The following CYP2S1 variants were observed in gnomAD, a reference collection of about 807,000 sequenced individuals.
The protein encoded by CYP2S1 is cytochrome P450 family 2 subfamily S member 1.
CYP2S1 carries 32 observed loss-of-function variants against 43.5 expected under a neutral mutation model. The ratio of observed to expected loss-of-function variants is 0.74; its 90% confidence interval spans 0.56 to 0.99. The LOEUF (loss-of-function observed/expected upper bound fraction) is 0.99, where lower values mean the gene tolerates loss of function less well. CYP2S1 is among the 50% of genes least tolerant of loss of function. CYP2S1 has a pLI of 0.00. For synonymous variants in CYP2S1, 283 were observed against 302.9 expected (o/e 0.93, Z 0.68); for missense variants, 575 against 673.9 (o/e 0.85, Z 1.62).
chr19:41,194,459 C>T, intron 1 of CYP2S1, 85 bp from the exon 2 acceptor site: 1 of 1,460,956 alleles, frequency 6.8e-7, no homozygotes, highest in Non-Finnish European at 9.0e-7. Flanking sequence ...GACCCGGTGG[C>T]TCCTCAAGTG....
rs762777641 is a variant in CYP2S1, at chr19:41,203,577, C to T, written c.1104C>T (p.Pro368=). The change falls in exon 7 of 9, where the codon CCC becomes CCT. Residue 368 remains proline, a synonymous_variant. Coordinates refer to ENST00000310054, the MANE Select transcript of CYP2S1 (RefSeq NM_030622.8). ...HEAQRLLALV[P]MGIPRTLMRT... ...CGCAGCGGCTGCTGGCGCTGGTGCCCATGGGAATACCCCGCACCCTCATGC... is the reference window on the plus strand; with the variant it reads ...CGCAGCGGCTGCTGGCGCTGGTGCCTATGGGAATACCCCGCACCCTCATGC... The T allele has an allele frequency of 9.6e-6, 15 of 1,566,382 alleles. No individual in the cohort carries two copies. Among genetic ancestry groups the T allele is most frequent in the Admixed American group, 7.6e-5 (4 of 52,786 alleles).
At position 41,203,485 on chromosome 19, in the gene CYP2S1, G is replaced by A. The variant is rs748689494; in HGVS notation, c.1012G>A (p.Ala338Thr). 1.1e-5 allele frequency: 17 copies of A among 1,608,004 alleles called. No individual in the cohort carries two copies. In the African/African-American group the frequency reaches 1.6e-4, roughly 15 times the overall value. The change falls in exon 7 of 9, where the codon GCT becomes ACT. Residue 338 changes from alanine (A) to threonine (T), a missense_variant. By Grantham distance (58) the Ala-to-Thr change is moderately conservative. Around this residue, in one of 2 missense-constraint regions of CYP2S1, gnomAD observed 222 missense variants for 306.3 expected, o/e 0.72. Coordinates refer to ENST00000310054, the MANE Select transcript of CYP2S1 (RefSeq NM_030622.8). ...VREELNRELG[A>T]GQAPSLGDRT... ...TGAGGAGCTGAATCGGGAGCTGGGG[G>A]CTGGCCAGGCACCAAGCCTAGGGGA...
chr19:41,198,877 A>G lies in CYP2S1; in HGVS notation c.823A>G (p.Lys275Glu), dbSNP rs932177992. 1 of 1,612,412 alleles carries G rather than the reference A, an allele frequency of 6.2e-7. No homozygotes were observed. Among genetic ancestry groups the G allele is most frequent in the Middle Eastern group, 1.7e-4 (1 of 6,054 alleles). The change falls in exon 5 of 9, where the codon AAG (lysine) becomes GAG (glutamate). Residue 275 changes from lysine to glutamate, a missense_variant. Physicochemically the swap from Lys to Glu is moderately conservative, Grantham distance 56. Transcript: ENST00000310054. The surrounding 1 kb of genome is among the most constrained non-coding windows in gnomAD (Gnocchi z 4.9). ...TGACCTTGTCGATGCCTTCCTGCTG[A>G]AGATGGCACAGGTGTGGGAAGGGTG... ...ARDLVDAFLL[K>E]MAQEEQNPGT... is the part of the protein sequence containing the mutation.
intron 1 of CYP2S1, 87 bp from the exon 2 acceptor site, chr19:41,194,457 G>A: frequency 6.9e-7 from 1 of 1,454,074 alleles, no homozygotes; most frequent in Non-Finnish European, 9.1e-7. Context: ...TAGACCCGGT[G>A]GCTCCTCAAG....
At chr19:41,205,352 TTC>T (rs1477576761) in intron 7 of CYP2S1, among the ~76,000 whole-genome samples, 3 of 98,998 alleles carry the variant, frequency 3.0e-5, no homozygotes, top group Non-Finnish European at 5.6e-5. Context: ...TTTTCTTTCT[TTC>T]TTTCTTTCTT....
Position 41,201,262 on chromosome 19 carries a change from A to G in CYP2S1, c.866A>G (p.Asn289Ser), listed in dbSNP as rs2033485252. The G allele has an allele frequency of 1.2e-6, 2 of 1,614,146 alleles. No homozygotes were observed. Among genetic ancestry groups the G allele is most frequent in the Non-Finnish European group, 1.7e-6 (2 of 1,180,020 alleles). Residue 289 changes from asparagine (N) to serine (S), a missense_variant, in exon 6 of 9, where the codon AAC (asparagine) becomes AGC (serine). Physicochemically the swap from Asn to Ser is conservative, Grantham distance 46. Transcript: ENST00000310054. ...EEQNPGTEFT[N>S]KNMLMTVIYL... is the part of the protein sequence containing the mutation. ...CAAAACCCAGGCACAGAATTCACCAACAAGAACATGCTGATGACAGTCATT... is the reference window on the plus strand; with the variant it reads ...CAAAACCCAGGCACAGAATTCACCAGCAAGAACATGCTGATGACAGTCATT...
In CYP2S1 at chr19:41,198,211, C is replaced by T. The variant is rs1044047760; in HGVS notation, c.494-251C>T. 6.6e-6 allele frequency among the ~76,000 whole-genome samples: 1 copy of T among 152,046 alleles called. No homozygotes were observed. The highest frequency in any genetic ancestry group is 1.5e-5 in the Non-Finnish European group (1 of 67,994). On this transcript the variant is annotated intron_variant, in intron 3 of 8. Coordinates refer to ENST00000310054, the MANE Select transcript of CYP2S1 (RefSeq NM_030622.8). The surrounding 1 kb of genome is among the most constrained non-coding windows in gnomAD (Gnocchi z 4.9). The stretch of plus-strand genomic sequence containing the variant: ...CTCTTTTCTTTCTCTCTCCTTTCCT[C>T]TATTTTTTGGGCCCTCAGTCTATCT...
At position 41,198,507 on chromosome 19, in the gene CYP2S1, A is replaced by G. The variant is rs766415705; in HGVS notation, c.539A>G (p.Asn180Ser). The change falls in exon 4 of 9, where the codon AAC becomes AGC. Residue 180 changes from asparagine to serine, a missense_variant. By Grantham distance (46) the Asn-to-Ser change is conservative. Transcript: ENST00000310054. The surrounding 1 kb of genome is among the most constrained non-coding windows in gnomAD (Gnocchi z 4.9). Reference sequence around the variant, plus strand: ...CTGCTGCTGGCCCAGGCCACCTCCAACGTAGTCTGCTCCCTCCTCTTTGGC... The same window carrying G: ...CTGCTGCTGGCCCAGGCCACCTCCAGCGTAGTCTGCTCCCTCCTCTTTGGC... ...PSLLLAQATS[N>S]VVCSLLFGLR... 3 of 1,613,576 alleles carry G rather than the reference A, an allele frequency of 1.9e-6. No individual in the cohort carries two copies. Among genetic ancestry groups the G allele is most frequent in the African/African-American group, 2.7e-5 (2 of 74,768 alleles).
In CYP2S1 at chr19:41,198,532, C is replaced by T; in HGVS notation, c.564C>T (p.Gly188=). The part of the protein sequence containing the change: ...TSNVVCSLLF[G]LRFSYEDKEF... ...ACGTAGTCTGCTCCCTCCTCTTTGGCCTCCGCTTCTCCTATGAGGATAAGG... is the reference window on the plus strand; with the variant it reads ...ACGTAGTCTGCTCCCTCCTCTTTGGTCTCCGCTTCTCCTATGAGGATAAGG... Residue 188 remains glycine, a synonymous_variant, in exon 4 of 9, where the codon GGC becomes GGT. Coordinates refer to ENST00000310054, the MANE Select transcript of CYP2S1 (RefSeq NM_030622.8). This position sits in a 1 kb window ranked among gnomAD's most constrained non-coding sequence, Gnocchi z 4.9. 1 of 1,614,172 alleles carries T rather than the reference C, an allele frequency of 6.2e-7. No individual in the cohort carries two copies. The highest frequency in any genetic ancestry group is 8.5e-7 in the Non-Finnish European group (1 of 1,180,024).
intron 5 of CYP2S1, among the ~76,000 whole-genome samples, chr19:41,200,128 G>A (rs1373126840): frequency 6.6e-6 from 1 of 152,024 alleles, no homozygotes; most frequent in Non-Finnish European, 1.5e-5. Context: ...TGTTTGTGGA[G>A]AAAGAAAAAT....
At chr19:41,201,163 T>C in intron 5 of CYP2S1, 68 bp from the exon 6 acceptor site, 1 of 1,558,220 alleles carries the variant, frequency 6.4e-7, no homozygotes, top group Non-Finnish European at 8.7e-7. Context: ...GACCCCAGGC[T>C]TGGCTGTTCT....
Position 41,206,403 on chromosome 19 carries a change from C to T in CYP2S1, c.1430C>T (p.Thr477Ile). The T allele has an allele frequency of 6.2e-7, 1 of 1,614,156 alleles. No individual in the cohort carries two copies. Among genetic ancestry groups the T allele is most frequent in the Non-Finnish European group, 8.5e-7 (1 of 1,180,032 alleles). ...CPPDTLSLKP[T>I]VSGLFNIPPA... ...CCGGACACCCTGAGCCTCAAGCCCA[C>T]CGTCAGTGGCCTTTTCAACATTCCC... The change falls in exon 9 of 9, where the codon ACC becomes ATC. Residue 477 changes from threonine (T) to isoleucine (I), a missense_variant. Around this residue, in one of 2 missense-constraint regions of CYP2S1, gnomAD observed 222 missense variants for 306.3 expected, o/e 0.72. Coordinates refer to ENST00000310054, the MANE Select transcript of CYP2S1 (RefSeq NM_030622.8).
intron 1 of CYP2S1, 45 bp from the exon 2 acceptor site, chr19:41,194,499 C>A: frequency 6.6e-7 from 1 of 1,507,710 alleles, no homozygotes; most frequent in Non-Finnish European, 8.8e-7. Context: ...CACCTTGGAT[C>A]GAAGAGGTCA....
At chr19:41,200,518 G>T (rs1453432242) in intron 5 of CYP2S1, among the ~76,000 whole-genome samples, 2 of 152,024 alleles carry the variant, frequency 1.3e-5, no homozygotes, top group Admixed American at 1.3e-4. Flanking sequence ...GACTACAGGT[G>T]CCCGTCACCA....
Position 41,201,270 on chromosome 19 carries a change from A to G in CYP2S1, c.874A>G (p.Met292Val), listed in dbSNP as rs1229913643. 16 of 1,614,066 alleles carry G rather than the reference A, an allele frequency of 9.9e-6. No individual in the cohort carries two copies. Among genetic ancestry groups the G allele is most frequent in the African/African-American group, 1.3e-5 (1 of 74,936 alleles). ...AGGCACAGAATTCACCAACAAGAAC[A>G]TGCTGATGACAGTCATTTATTTGCT... ...NPGTEFTNKNMLMTVIYLLFA... is the reference protein window; with the variant it reads ...NPGTEFTNKNVLMTVIYLLFA... Residue 292 changes from methionine (M) to valine (V), a missense_variant, in exon 6 of 9, where the codon ATG becomes GTG. Physicochemically the swap from Met to Val is conservative, Grantham distance 21. This residue lies in a region of CYP2S1 where 222 missense variants were observed against 306.3 expected (regional missense o/e 0.72). Coordinates refer to ENST00000310054, the MANE Select transcript of CYP2S1 (RefSeq NM_030622.8).
Position 41,201,377 on chromosome 19 carries a change from G to A in CYP2S1, c.976+5G>A, listed in dbSNP as rs1260016964. Reference sequence around the variant, plus strand: ...TGAAATACCCTCATGTCCAAAGTAAGAGCCTTTTCCACTTGCCAGGCCTTG... The same window carrying A: ...TGAAATACCCTCATGTCCAAAGTAAAAGCCTTTTCCACTTGCCAGGCCTTG... On this transcript the variant is annotated splice_donor_5th_base_variant and intron_variant, in intron 6 of 8. Transcript: ENST00000310054. The A allele has an allele frequency of 5.6e-6, 9 of 1,613,158 alleles. 1 individual carries two copies. The African/African-American group carries it at 8.0e-5, about 14-fold the overall frequency.
chr19:41,198,356 C>A lies in CYP2S1; in HGVS notation c.494-106C>A. ...TTAGCTCTCTCCCTGCGCTGTCCAT[C>A]CATCTTTCCCTGCCTCCCTGTCTCT... On this transcript the variant is annotated intron_variant, in intron 3 of 8. Transcript: ENST00000310054. The surrounding 1 kb of genome is among the most constrained non-coding windows in gnomAD (Gnocchi z 4.9). 1.4e-6 allele frequency: 2 copies of A among 1,438,602 alleles called. No individual in the cohort carries two copies. Among genetic ancestry groups the A allele is most frequent in the Non-Finnish European group, 1.9e-6 (2 of 1,050,892 alleles). 89.1% of individuals were successfully genotyped at this position (1,438,602 alleles called of 1,614,324 possible). A position where few individuals can be genotyped will look rare whatever the true frequency, so the allele number is the denominator to read the frequency against.
chr19:41,203,565 G>A lies in CYP2S1; in HGVS notation c.1092G>A (p.Leu364=). The change falls in exon 7 of 9, where the codon CTG becomes CTA. Residue 364 remains leucine, a synonymous_variant. Coordinates refer to ENST00000310054, the MANE Select transcript of CYP2S1 (RefSeq NM_030622.8). The part of the protein sequence containing the change: ...DAVLHEAQRL[L]ALVPMGIPRT... ...TTCTGCATGAGGCGCAGCGGCTGCT[G>A]GCGCTGGTGCCCATGGGAATACCCC... 1.9e-6 allele frequency: 3 copies of A among 1,574,024 alleles called. No individual in the cohort carries two copies. The highest frequency in any genetic ancestry group is 2.6e-6 in the Non-Finnish European group (3 of 1,159,986).
chr19:41,196,594 G>A (rs147378765), intron 2 of CYP2S1, among the ~76,000 whole-genome samples: 1,962 of 152,096 alleles, frequency 0.013, 21 homozygotes, highest in Non-Finnish European at 0.021. Context: ...GGCTCTGGCC[G>A]AGGAATGGAT....
Sources: gnomAD v4.1 joint callset for allele counts (sites outside exome capture counted in the v4.1 genomes callset) on GRCh38, gnomAD v4.1.1 for gene constraint, gnomAD v4.1.1 regional missense constraint, Gnocchi (gnomAD v3.1) non-coding constraint, MANE v1.5 for transcripts, NCBI Gene and HGNC (gene_info 2026-07-23, HGNC 2026-07-21) for gene names.